SLC39A12: variants seen among roughly 807,000 people sequenced by gnomAD.
SLC39A12 encodes the protein zinc transporter ZIP12.
SLC39A12 carries 63 observed loss-of-function variants against 71.1 expected under a neutral mutation model. That is an observed-to-expected ratio of 0.89 (90% CI 0.72 to 1.09). The LOEUF is 1.09. Ranked by LOEUF, SLC39A12 falls within the 50% of genes least tolerant of loss-of-function variation. The pLI is 0.00. For missense variants in SLC39A12, 892 were observed against 812.6 expected (o/e 1.10, Z -1.19); for synonymous variants, 351 against 301.3 (o/e 1.16, Z -1.71).
chr10:17,988,464 A>G (rs138756037), intron 7 of SLC39A12, among the ~76,000 whole-genome samples: 53 of 152,300 alleles, frequency 3.5e-4, no homozygotes, highest in Non-Finnish European at 6.8e-4. Flanking sequence ...TGAGGCCCAT[A>G]TCAGAAGCAA....
rs146328346 is a variant in SLC39A12 at position 17,998,886 on chromosome 10, A to G, written c.1601-1781A>G. 2.1e-4 allele frequency among the ~76,000 whole-genome samples: 32 copies of G among 152,370 alleles called. 2 individuals carry two copies. In the East Asian group the frequency reaches 2.9e-3, roughly 14 times the overall value. On this transcript the variant is annotated intron_variant, in intron 10 of 12. Transcript: ENST00000377369. ...TCCCCCTTGTAGTCTTAGGCCATGT[A>G]ACAGTTCGAAACCAGGAAGTATCCT...
chr10:17,954,503 C>T (rs1046370051), intron 2 of SLC39A12, among the ~76,000 whole-genome samples: 3 of 152,188 alleles, frequency 2.0e-5, no homozygotes, highest in East Asian at 1.9e-4. Flanking sequence ...ATCTGCCTGC[C>T]GCCACCTCCC....
chr10:17,966,451 C>T (rs919410293), intron 4 of SLC39A12, among the ~76,000 whole-genome samples: 1 of 152,008 alleles, frequency 6.6e-6, no homozygotes, highest in Non-Finnish European at 1.5e-5. Flanking sequence ...GCTGAAACTA[C>T]AGCTGTGTGT....
At chr10:18,019,208 A>G (rs1195784495) in intron 12 of SLC39A12, among the ~76,000 whole-genome samples, 1 of 152,024 alleles carries the variant, frequency 6.6e-6, no homozygotes, top group Non-Finnish European at 1.5e-5. Flanking sequence ...TTTCTTTATT[A>G]TCCTTTAATG....
At chr10:17,981,610 CCTCCTAACAATGCTACAAGGTAGA>C in intron 6 of SLC39A12, 127 bp downstream of exon 6, 1 of 705,574 alleles carries the variant, frequency 1.4e-6, no homozygotes, top group Non-Finnish European at 2.2e-6. Flanking sequence ...CTCATTTAAT[CCTCCTAACAATGCTACAAGGTAGA>C]TATTATTATT....
In SLC39A12 at chr10:18,018,483, TTTCTCACCATTAGGTATA is replaced by T. The variant is rs1166889408; in HGVS notation, c.1947+15128_1947+15145del. On this transcript the variant is annotated intron_variant, in intron 12 of 12. Coordinates refer to ENST00000377369, the MANE Select transcript of SLC39A12 (RefSeq NM_001145195.2). ...CTGATTTTAGTGGGAAAGCTTCTAG[TTTCTCACCATTAGGTATA>T]TTTTAGCTATAGGTTTTTGTAAATG... Among the ~76,000 whole-genome samples the T allele has an allele frequency of 3.3e-5, 5 of 152,316 alleles. No individual in the cohort carries two copies. The South Asian group carries it at 1.0e-3, about 32-fold the overall frequency.
chr10:17,988,572 A>C (rs917206090), intron 7 of SLC39A12, among the ~76,000 whole-genome samples: 2 of 152,226 alleles, frequency 1.3e-5, no homozygotes, highest in Non-Finnish European at 2.9e-5. Context: ...TCTTTATAGC[A>C]ACACAAAAAT....
At chr10:18,000,557 T>C (rs1162299203) in intron 10 of SLC39A12, 110 bp from the exon 11 acceptor site, 1 of 986,772 alleles carries the variant, frequency 1.0e-6, no homozygotes, top group Non-Finnish European at 1.5e-6. Context: ...TTTAATCAGA[T>C]GGAATATAAG....
intron 6 of SLC39A12, 38 bp from the exon 7 acceptor site, chr10:17,987,441 C>G (rs1008075599): frequency 1.9e-6 from 3 of 1,606,042 alleles, no homozygotes; most frequent in Non-Finnish European, 2.6e-6. Context: ...ATGGAGGGCA[C>G]TGGGCACTGA....
At chr10:18,042,463 G>GAAAAAA in intron 12 of SLC39A12, among the ~76,000 whole-genome samples, 1 of 115,050 alleles carries the variant, frequency 8.7e-6, no homozygotes, top group Non-Finnish European at 1.7e-5. Flanking sequence ...TGCCTCAAAA[G>GAAAAAA]AAAAAAAAAA....
rs1554848379 is a variant in SLC39A12 at position 17,961,599 on chromosome 10, C to T, written c.280C>T (p.Leu94=). Reference sequence around the variant, plus strand: ...TCCACAGTGCTTTGAACCAGATGCACTATTACTAATAGCTGGAGGAAATTT... The same window carrying T: ...TCCACAGTGCTTTGAACCAGATGCATTATTACTAATAGCTGGAGGAAATTT... ...DCNLCFEPDA[L]LLIAGGNFED... is the part of the protein sequence containing the mutation. The change falls in exon 3 of 13, where the codon CTA becomes TTA. Residue 94 remains leucine (L), a synonymous_variant. Transcript: ENST00000377369. The T allele has an allele frequency of 1.9e-6, 3 of 1,612,784 alleles. No homozygotes were observed. Among genetic ancestry groups the T allele is most frequent in the East Asian group, 4.5e-5 (2 of 44,874 alleles).
chr10:18,010,375 T>TA (rs1372852448), intron 12 of SLC39A12, among the ~76,000 whole-genome samples: 1 of 152,220 alleles, frequency 6.6e-6, no homozygotes, highest in African/African-American at 2.4e-5. Flanking sequence ...ATATTGTAGT[T>TA]AAAATCAATG....
At chr10:18,029,206 C>T (rs1301275035) in intron 12 of SLC39A12, among the ~76,000 whole-genome samples, 1 of 152,110 alleles carries the variant, frequency 6.6e-6, no homozygotes, top group Admixed American at 6.6e-5. Flanking sequence ...CTAAAATGTT[C>T]AGAAATGCTA....
intron 10 of SLC39A12, 66 bp from the exon 11 acceptor site, chr10:18,000,601 T>C: frequency 6.6e-7 from 1 of 1,517,138 alleles, no homozygotes; most frequent in South Asian, 1.2e-5. Context: ...TTGGTTGGTT[T>C]TGAAGGATTT....
chr10:17,981,123 G>C lies in SLC39A12; in HGVS notation c.925-189G>C, dbSNP rs559004101. On this transcript the variant is annotated intron_variant, in intron 5 of 12. Transcript: ENST00000377369. Reference sequence around the variant, plus strand: ...TGAAAATGAGGTATTGCAGGCTTTGGTCAGAGATTTAAGACATCCTTAGGA... The same window carrying C: ...TGAAAATGAGGTATTGCAGGCTTTGCTCAGAGATTTAAGACATCCTTAGGA... Among the ~76,000 whole-genome samples the C allele has an allele frequency of 1.8e-4, 27 of 152,254 alleles. No homozygotes were observed. In the South Asian group the frequency reaches 2.5e-3, roughly 14 times the overall value.
rs1048277316 is a variant in SLC39A12 at position 18,025,333 on chromosome 10, G to T, written c.1948-17372G>T. ...GTGCCATGTTGGTGTGCTGCACCCAGTAACTCGTCATTTAACATTAGGTGT... is the reference window on the plus strand; with the variant it reads ...GTGCCATGTTGGTGTGCTGCACCCATTAACTCGTCATTTAACATTAGGTGT... On this transcript the variant is annotated intron_variant, in intron 12 of 12. Coordinates refer to ENST00000377369, the MANE Select transcript of SLC39A12 (RefSeq NM_001145195.2). Among the ~76,000 whole-genome samples the T allele has an allele frequency of 1.1e-4, 16 of 152,164 alleles. No homozygotes were observed. The East Asian group carries it at 3.1e-3, about 29-fold the overall frequency.
intron 2 of SLC39A12, 127 bp from the exon 3 acceptor site, chr10:17,961,454 G>C (rs782238434): frequency 6.9e-6 from 6 of 873,018 alleles, no homozygotes; most frequent in Non-Finnish European, 1.0e-5. Context: ...TCTGGCTATT[G>C]GTCCTGCCTG....
intron 12 of SLC39A12, among the ~76,000 whole-genome samples, chr10:18,040,163 T>G (rs1352329501): frequency 6.6e-6 from 1 of 152,224 alleles, no homozygotes; most frequent in Admixed American, 6.5e-5. Flanking sequence ...AAATATAGAC[T>G]GTTTTATCCA....
Position 18,022,317 on chromosome 10 carries a change from A to AT in SLC39A12, c.1947+18971dup, listed in dbSNP as rs1227571775. 2.8e-3 allele frequency among the ~76,000 whole-genome samples: 400 copies of AT among 143,984 alleles called. 1 individual carries two copies. Among genetic ancestry groups the AT allele is most frequent in the African/African-American group, 5.0e-3 (196 of 39,418 alleles). 94.5% of individuals were successfully genotyped at this position (143,984 alleles called of 152,430 possible). A position where few individuals can be genotyped will look rare whatever the true frequency, so the allele number is the denominator to read the frequency against. ...CCCGTCTTTCTCAGAGGTTTTGTTT[A>AT]TTTTTTTTTTTTAGTTCTTTTTTGT... On this transcript the variant is annotated intron_variant, in intron 12 of 12. Coordinates refer to ENST00000377369, the MANE Select transcript of SLC39A12 (RefSeq NM_001145195.2).
Sources: gnomAD v4.1 joint callset for allele counts (sites outside exome capture counted in the v4.1 genomes callset) on GRCh38, gnomAD v4.1.1 for gene constraint, MANE v1.5 for transcripts, NCBI Gene and HGNC (gene_info 2026-07-23, HGNC 2026-07-21) for gene names.